The following RPE variants were observed in gnomAD, a reference collection of about 807,000 sequenced individuals.
The protein encoded by RPE is ribulose-5-phosphate-3-epimerase.
In RPE, 16 loss-of-function variants were observed where a neutral mutation model predicts 24.6. The observed-to-expected ratio is 0.65, with a 90% confidence interval of 0.44 to 0.99. The LOEUF (loss-of-function observed/expected upper bound fraction) is 0.99. Among genes scored for constraint, RPE ranks in the 50% least tolerant of loss-of-function variants. The pLI is 0.00. For missense variants in RPE, 240 were observed against 294.5 expected, an observed-to-expected ratio of 0.81 and a Z score of 1.35; for synonymous variants, 93 against 98.4, an observed-to-expected ratio of 0.94 and a Z score of 0.33.
intron 2 of RPE, among the ~76,000 whole-genome samples, chr2:210,011,518 C>T (rs1411109911): frequency 6.6e-6 from 1 of 152,180 alleles, no homozygotes; most frequent in African/African-American, 2.4e-5. Context: ...GTTGCTGCCA[C>T]CACACACAAT....
chr2:210,005,410 A>G (rs1218949317), intron 1 of RPE, among the ~76,000 whole-genome samples: 1 of 152,142 alleles, frequency 6.6e-6, no homozygotes, highest in Non-Finnish European at 1.5e-5. Context: ...AATACTGTGG[A>G]AGGTGGAGCA....
At chr2:210,017,421 C>A in intron 4 of RPE, 52 bp from the exon 5 acceptor site, 1 of 1,003,098 alleles carries the variant, frequency 1.0e-6, no homozygotes, top group South Asian at 1.4e-5. Context: ...ACCCCCACCC[C>A]CACCAACATA....
chr2:210,012,873 A>G (rs994035824), intron 2 of RPE, among the ~76,000 whole-genome samples: 12 of 152,226 alleles, frequency 7.9e-5, no homozygotes, highest in African/African-American at 1.7e-4. Context: ...TTGGGGTACT[A>G]TGGAATGAAA....
chr2:210,008,084 A>G (rs1391404788), intron 1 of RPE, among the ~76,000 whole-genome samples: 1 of 152,304 alleles, frequency 6.6e-6, no homozygotes, highest in East Asian at 1.9e-4. Context: ...GGCCACTTGA[A>G]TATAAAGGGA....
intron 2 of RPE, among the ~76,000 whole-genome samples, chr2:210,015,320 C>T (rs1200698559): frequency 2.0e-5 from 3 of 152,182 alleles, no homozygotes; most frequent in Admixed American, 6.5e-5. Flanking sequence ...AGTATCTTGT[C>T]ACTTCACTGT....
At chr2:210,005,970 G>A (rs1270985139) in intron 1 of RPE, among the ~76,000 whole-genome samples, 1 of 152,172 alleles carries the variant, frequency 6.6e-6, no homozygotes, top group Non-Finnish European at 1.5e-5. Flanking sequence ...CGTAAGTAAA[G>A]CTTAGGAGTG....
chr2:210,016,117 G>C lies in RPE; in HGVS notation c.342+5G>C. On this transcript the variant is annotated splice_donor_5th_base_variant and intron_variant, in intron 3 of 5. Coordinates refer to ENST00000359429, the MANE Select transcript of RPE (RefSeq NM_199229.3). Reference sequence around the variant, plus strand: ...ATTCGGGAGAATGGGATGAAGGTAAGAAATCGTGATGAGAGTGTTTTGTAA... The same window carrying C: ...ATTCGGGAGAATGGGATGAAGGTAACAAATCGTGATGAGAGTGTTTTGTAA... 6.2e-7 allele frequency: 1 copy of C among 1,614,214 alleles called. No individual in the cohort carries two copies. The highest frequency in any genetic ancestry group is 1.1e-5 in the South Asian group (1 of 91,082).
At chr2:210,017,425 C>CCAA in intron 4 of RPE, 48 bp from the exon 5 acceptor site, 2 of 1,104,250 alleles carry the variant, frequency 1.8e-6, no homozygotes, top group African/African-American at 3.1e-5. Flanking sequence ...CCACCCCCAC[C>CCAA]AACATACCCA....
intron 2 of RPE, among the ~76,000 whole-genome samples, chr2:210,011,135 C>A (rs905076672): frequency 6.6e-6 from 1 of 152,088 alleles, no homozygotes; most frequent in Non-Finnish European, 1.5e-5. Context: ...ATTATTACCT[C>A]ATTTATGTGG....
At chr2:210,012,178 T>C (rs1034444133) in intron 2 of RPE, among the ~76,000 whole-genome samples, 1 of 152,248 alleles carries the variant, frequency 6.6e-6, no homozygotes, top group Admixed American at 6.5e-5. Flanking sequence ...AGTCTGTTCC[T>C]GTTATTGTCT....
intron 5 of RPE, chr2:210,018,396 CTTTT>C (rs369682905): frequency 2.7e-4 from 235 of 871,096 alleles, no homozygotes; most frequent in Non-Finnish European, 3.0e-4. Flanking sequence ...CTTTTTTTTA[CTTTT>C]TTTTTTTTTT....
chr2:210,018,032 A>G (rs2093802740), intron 5 of RPE: 2 of 1,038,370 alleles, frequency 1.9e-6, no homozygotes, highest in Non-Finnish European at 2.7e-6. Flanking sequence ...GATGTGAGCC[A>G]TGGCGTCTGG....
At chr2:210,010,847 G>A (rs2093690090) in intron 2 of RPE, among the ~76,000 whole-genome samples, 1 of 152,126 alleles carries the variant, frequency 6.6e-6, no homozygotes, top group Non-Finnish European at 1.5e-5. Flanking sequence ...GAACCTGGGA[G>A]GTGGAGATTG....
intron 1 of RPE, among the ~76,000 whole-genome samples, chr2:210,003,745 C>T (rs2093594245): frequency 1.3e-5 from 2 of 152,048 alleles, no homozygotes; most frequent in African/African-American, 4.8e-5. Flanking sequence ...GGTAAAAACC[C>T]TGTGTTCCCT....
intron 1 of RPE, among the ~76,000 whole-genome samples, chr2:210,008,885 A>G (rs1013000232): frequency 5.3e-5 from 8 of 149,960 alleles, no homozygotes; most frequent in Non-Finnish European, 1.2e-4. Context: ...TAGTAGAGAC[A>G]GGGTTTCACT....
intron 5 of RPE, chr2:210,018,370 T>A: frequency 7.6e-7 from 1 of 1,324,216 alleles, no homozygotes. Context: ...TTTGGCTATC[T>A]GTATAGAAGT....
At chr2:210,005,699 G>T (rs1373234175) in intron 1 of RPE, among the ~76,000 whole-genome samples, 1 of 151,962 alleles carries the variant, frequency 6.6e-6, no homozygotes, top group Non-Finnish European at 1.5e-5. Context: ...ACATGCGCTG[G>T]AGCTGACAGG....
At position 210,018,045 on chromosome 2, in the gene RPE, C is replaced by T. The variant is rs968512774; in HGVS notation, c.564+486C>T. 51 of 1,180,996 alleles carry T rather than the reference C, an allele frequency of 4.3e-5. No homozygotes were observed. In the African/African-American group the frequency reaches 5.0e-4, roughly 12 times the overall value. The allele number at this position is 1,180,996 out of a possible 1,614,324, so 73.2% of individuals were successfully genotyped here. A position where few individuals can be genotyped will look rare whatever the true frequency, so the allele number is the denominator to read the frequency against. ...CAGATGTGAGCCATGGCGTCTGGCC[C>T]GTAAGTGGATATTCTAAAATCACAT... On this transcript the variant is annotated intron_variant, in intron 5 of 5. Coordinates refer to ENST00000359429, the MANE Select transcript of RPE (RefSeq NM_199229.3).
intron 1 of RPE, among the ~76,000 whole-genome samples, chr2:210,005,704 G>A (rs568280441): frequency 1.3e-5 from 2 of 152,070 alleles, no homozygotes; most frequent in East Asian, 3.9e-4. Context: ...CGCTGGAGCT[G>A]ACAGGGGCAG....
Sources: allele counts gnomAD v4.1 joint callset (sites outside exome capture counted in the v4.1 genomes callset), GRCh38; gene constraint gnomAD v4.1.1; transcripts MANE v1.5; gene names NCBI Gene and HGNC (gene_info 2026-07-23, HGNC 2026-07-21).